Variants in SLC14A2 observed in about 807,000 individuals in gnomAD.
SLC14A2 encodes the protein urea transporter 2.
Under a neutral mutation model 104.6 loss-of-function variants are expected in SLC14A2, and 91 were observed. The ratio of observed to expected loss-of-function variants is 0.87; its 90% confidence interval spans 0.73 to 1.04. SLC14A2 has a LOEUF of 1.04. Among genes scored for constraint, SLC14A2 ranks in the 50% least tolerant of loss-of-function variants. SLC14A2 has a pLI of 0.00. For missense variants in SLC14A2, 1,189 were observed against 1,156.0 expected (o/e 1.03, Z -0.41); for synonymous variants, 476 against 466.4 (o/e 1.02, Z -0.27).
chr18:45,233,492 A>C (rs2084194982), intron 1 of SLC14A2, among the ~76,000 whole-genome samples: 1 of 152,146 alleles, frequency 6.6e-6, no homozygotes, highest in Non-Finnish European at 1.5e-5. Flanking sequence ...GAAACCAAAC[A>C]AAAAAGTCCC....
intron 1 of SLC14A2, among the ~76,000 whole-genome samples, chr18:45,449,889 G>T (rs1010529120): frequency 6.6e-6 from 1 of 152,106 alleles, no homozygotes; most frequent in South Asian, 2.1e-4. Flanking sequence ...GATCATGTGT[G>T]CTCCAGCCTC....
intron 2 of SLC14A2, among the ~76,000 whole-genome samples, chr18:45,589,069 CAG>C (rs1198741090): frequency 6.6e-6 from 1 of 152,130 alleles, no homozygotes; most frequent in Non-Finnish European, 1.5e-5. Context: ...TTCTGATACA[CAG>C]AAGGGAAACC....
At chr18:45,174,775 T>C in the SLC14A2 span, among the ~76,000 whole-genome samples, 1 of 152,106 alleles carries the variant, frequency 6.6e-6, no homozygotes, top group Non-Finnish European at 1.5e-5. Flanking sequence ...GTTTAAAATA[T>C]GTGAGAAAAG....
At chr18:45,475,054 T>C (rs2087332063) in intron 1 of SLC14A2, among the ~76,000 whole-genome samples, 1 of 152,210 alleles carries the variant, frequency 6.6e-6, no homozygotes, top group African/African-American at 2.4e-5. Flanking sequence ...TTTAGCTGTG[T>C]CCCAGAGATC....
At chr18:45,358,470 ACT>A (rs1271563896) in intron 1 of SLC14A2, among the ~76,000 whole-genome samples, 1 of 152,050 alleles carries the variant, frequency 6.6e-6, no homozygotes, top group Non-Finnish European at 1.5e-5. Flanking sequence ...TTCAGATGAA[ACT>A]CTGTAAAATG....
chr18:45,436,623 T>C (rs2086600884), intron 1 of SLC14A2: 1 of 152,198 alleles, frequency 6.6e-6, no homozygotes, highest in Non-Finnish European at 1.5e-5. Context: ...GATTCAAACC[T>C]CTTACAGCAT....
In SLC14A2 at chr18:45,606,655, A is replaced by G. The variant is rs80044231; in HGVS notation, c.-34-17976A>G. ...CCTTACTTTCATCAGAAAATAGCCA[A>G]AAAGAGCAGGAAAAAATCTTTTGTT... On this transcript the variant is annotated intron_variant, in intron 2 of 20. Coordinates refer to the SLC14A2 transcript ENST00000586448. Among the ~76,000 whole-genome samples, 304 of 152,114 alleles carry G rather than the reference A, an allele frequency of 2.0e-3. 3 individuals are homozygous for G. In the East Asian group the frequency reaches 0.025, roughly 12 times the overall value.
At chr18:45,220,461 G>T (rs1294489352) in intron 1 of SLC14A2, among the ~76,000 whole-genome samples, 3 of 152,110 alleles carry the variant, frequency 2.0e-5, no homozygotes, top group African/African-American at 7.2e-5. Flanking sequence ...AAAAAATGTT[G>T]GGCAGCCACT....
intron 1 of SLC14A2, among the ~76,000 whole-genome samples, chr18:45,340,271 C>G (rs1474340846): frequency 6.6e-6 from 1 of 152,214 alleles, no homozygotes; most frequent in South Asian, 2.1e-4. Flanking sequence ...GCTTATGCAA[C>G]CTTGGGCAGT....
At chr18:45,520,209 G>T (rs72915331) in intron 2 of SLC14A2, among the ~76,000 whole-genome samples, 13,200 of 152,284 alleles carry the variant, frequency 0.087, 699 homozygotes, top group Non-Finnish European at 0.12. Flanking sequence ...CTGCTTCAGT[G>T]CAGAGAATCA....
intron 2 of SLC14A2, among the ~76,000 whole-genome samples, chr18:45,599,150 A>G (rs1218117799): frequency 1.1e-4 from 17 of 152,238 alleles, no homozygotes; most frequent in Admixed American, 1.1e-3. Flanking sequence ...TAAACACATA[A>G]TGTAGCGTTT....
intron 2 of SLC14A2, among the ~76,000 whole-genome samples, chr18:45,605,395 G>T (rs568236477): frequency 6.6e-6 from 1 of 152,132 alleles, no homozygotes; most frequent in African/African-American, 2.4e-5. Context: ...CTGGAGAAGA[G>T]GGTGAAGATG....
intron 17 of SLC14A2, 127 bp from the exon 18 acceptor site, chr18:45,673,556 T>C: frequency 2.0e-6 from 2 of 1,016,322 alleles, no homozygotes; most frequent in Non-Finnish European, 2.9e-6. Flanking sequence ...AAGCCAGAAG[T>C]CCTTTTTGTA....
At chr18:45,404,128 T>C (rs1258895195) in intron 1 of SLC14A2, among the ~76,000 whole-genome samples, 3 of 152,208 alleles carry the variant, frequency 2.0e-5, no homozygotes, top group African/African-American at 7.2e-5. Flanking sequence ...TTCTCCCACT[T>C]TCTGGGCTCC....
chr18:45,293,205 A>G (rs2084887179), intron 1 of SLC14A2, among the ~76,000 whole-genome samples: 1 of 152,192 alleles, frequency 6.6e-6, no homozygotes, highest in South Asian at 2.1e-4. Flanking sequence ...AAAACACTCC[A>G]GTGTGTGTGC....
At chr18:45,578,528 C>T (rs1219323274) in intron 2 of SLC14A2, among the ~76,000 whole-genome samples, 3 of 152,172 alleles carry the variant, frequency 2.0e-5, no homozygotes, top group South Asian at 2.1e-4. Context: ...CAGAAAAGAG[C>T]CAAGGAGTAA....
chr18:45,179,302 C>T, the SLC14A2 span, among the ~76,000 whole-genome samples: 2 of 152,124 alleles, frequency 1.3e-5, no homozygotes, highest in Admixed American at 6.6e-5. Flanking sequence ...CATGATGTGG[C>T]CTTCTGTCAT....
At chr18:45,201,500 G>A in the SLC14A2 span, among the ~76,000 whole-genome samples, 1 of 151,708 alleles carries the variant, frequency 6.6e-6, no homozygotes, top group Non-Finnish European at 1.5e-5. Context: ...GGAAGCTCTT[G>A]GCTCTTGTGT....
At position 45,668,219 on chromosome 18, in the gene SLC14A2, A is replaced by T. The variant is rs2046063951; in HGVS notation, c.1908-130A>T. ...ATTCATAGGGTTGTCTTCCTTCCCCACTCCCAGAAGGGTGGTCTATTTGAA... is the reference window on the plus strand; with the variant it reads ...ATTCATAGGGTTGTCTTCCTTCCCCTCTCCCAGAAGGGTGGTCTATTTGAA... On this transcript the variant is annotated intron_variant, in intron 14 of 19. Transcript: ENST00000255226. 2.3e-6 allele frequency: 3 copies of T among 1,298,218 alleles called. No individual in the cohort carries two copies. In the Admixed American group the frequency reaches 6.7e-5, roughly 29 times the overall value. The allele number at this position is 1,298,218 out of a possible 1,614,324, so 80.4% of individuals were successfully genotyped here. A position where few individuals can be genotyped will look rare whatever the true frequency, so the allele number is the denominator to read the frequency against.
Sources: gnomAD v4.1 joint callset for allele counts (sites outside exome capture counted in the v4.1 genomes callset) on GRCh38, gnomAD v4.1.1 for gene constraint, MANE v1.5 for transcripts, NCBI Gene and HGNC (gene_info 2026-07-23, HGNC 2026-07-21) for gene names.